Variants in CD177 observed in about 807,000 individuals in gnomAD.
CD177 encodes the protein CD177 antigen.
A neutral mutation model predicts 38.1 loss-of-function variants in CD177; 41 were observed. That is an observed-to-expected ratio of 1.07 (90% CI 0.84 to 1.39). The LOEUF (loss-of-function observed/expected upper bound fraction) is 1.39, where lower values mean the gene tolerates loss of function less well. Ranked by LOEUF, CD177 falls within the 40% of genes most tolerant of loss-of-function variation. The pLI, the probability that CD177 is intolerant of heterozygous loss-of-function variation, is 0.00. For synonymous variants in CD177, 236 were observed against 216.7 expected, an observed-to-expected ratio of 1.09 and a Z score of -0.78; for missense variants, 619 against 523.8, an observed-to-expected ratio of 1.18 and a Z score of -1.77.
At chr19:43,355,618 G>T in intron 3 of CD177, 43 bp from the exon 4 acceptor site, 2 of 1,610,802 alleles carry the variant, frequency 1.2e-6, no homozygotes, top group Non-Finnish European at 1.7e-6. Context: ...ATCAAATCCA[G>T]TGCCCTCTCA....
At chr19:43,366,043 C>T (rs994179938), downstream of CD177, among the ~76,000 whole-genome samples, 6 of 152,158 alleles carry the variant, frequency 3.9e-5, no homozygotes, top group South Asian at 4.1e-4. Flanking sequence ...GGAGGAGGCG[C>T]GGAATTTCTC....
chr19:43,360,187 C>G (rs1373973661), intron 5 of CD177, 78 bp from the exon 6 acceptor site: 1 of 1,523,434 alleles, frequency 6.6e-7, no homozygotes. Context: ...AGTGTGATCA[C>G]CTTCCCTAGC....
At chr19:43,354,495 C>G (rs1325212370) in intron 3 of CD177, 103 bp downstream of exon 3, 8 of 1,231,596 alleles carry the variant, frequency 6.5e-6, no homozygotes, top group Admixed American at 1.9e-5. Context: ...GCTCGCTATC[C>G]CGACCCTCGC....
chr19:43,360,159 C>T, intron 5 of CD177, 106 bp from the exon 6 acceptor site: 12 of 1,354,772 alleles, frequency 8.9e-6, no homozygotes, highest in Non-Finnish European at 1.1e-5. Context: ...GGCCAGGTCA[C>T]CTGGAGTGTG....
In CD177 at chr19:43,362,194, T is replaced by A; in HGVS notation, c.1188T>A (p.Arg396=). 6.2e-7 allele frequency: 1 copy of A among 1,612,548 alleles called. No individual in the cohort carries two copies. The highest frequency in any genetic ancestry group is 8.5e-7 in the Non-Finnish European group (1 of 1,179,340). The change falls in exon 9 of 9, where the codon CGT becomes CGA. Residue 396 remains arginine (R), a synonymous_variant. Coordinates refer to ENST00000618265, the MANE Select transcript of CD177 (RefSeq NM_020406.4). ...QIGIFSAREK[R]DVQPPASQHE... ...GGATCTTCTCTGCGCGTGAGAAGCG[T>A]GATGTGCAGCCTCCTGCCTCTCAGC...
chr19:43,354,482 C>A (rs1331592626), intron 3 of CD177, 90 bp downstream of exon 3: 3 of 1,385,638 alleles, frequency 2.2e-6, no homozygotes, highest in Admixed American at 3.5e-5. Context: ...CCCTCCCACC[C>A]TCGCTCGCTA....
downstream of CD177, among the ~76,000 whole-genome samples, chr19:43,363,809 C>T (rs1191247957): frequency 6.6e-6 from 1 of 152,158 alleles, no homozygotes; most frequent in Admixed American, 6.5e-5. Flanking sequence ...AAGTCCAGGA[C>T]GGGCTCGGTG....
rs774067021 is a variant in CD177 at position 43,353,746 on chromosome 19, G to C, written c.32G>C (p.Gly11Ala). 20 of 1,613,790 alleles carry C rather than the reference G, an allele frequency of 1.2e-5. No individual in the cohort carries two copies. The East Asian group carries it at 4.5e-4, about 36-fold the overall frequency. Residue 11 changes from glycine (G) to alanine (A), a missense_variant, in exon 1 of 9, where the codon GGG becomes GCG. Physicochemically the swap from Gly to Ala is moderately conservative, Grantham distance 60. Coordinates refer to ENST00000618265, the MANE Select transcript of CD177 (RefSeq NM_020406.4). The part of the protein sequence containing the change: MSAVLLLALL[G>A]FILPLPGVQA... The stretch of plus-strand genomic sequence containing the variant: ...GCGGTATTACTGCTGGCCCTCCTGG[G>C]GTTCATCCTCCCACTGCCAGGTGAG...
intron 3 of CD177, 86 bp from the exon 4 acceptor site, chr19:43,355,575 G>A (rs778253716): frequency 3.2e-6 from 5 of 1,562,382 alleles, no homozygotes; most frequent in East Asian, 2.3e-5. Flanking sequence ...GACTCTTGAG[G>A]CCAGCAAAAG....
Position 43,361,520 on chromosome 19 carries a change from G to T in CD177, c.1022G>T (p.Arg341Leu). 1.9e-6 allele frequency: 3 copies of T among 1,592,074 alleles called. No homozygotes were observed. The highest frequency in any genetic ancestry group is 2.6e-6 in the Non-Finnish European group (3 of 1,165,056). ...PLGTCSSGSPRMTCPRGATHC... is the reference protein window; with the variant it reads ...PLGTCSSGSPLMTCPRGATHC... ...GGAACCTGTTCAAGTGGCTCCCCCC[G>T]AATGACCTGCCCCAGGGGCGCCACT... Residue 341 changes from arginine to leucine, a missense_variant, in exon 8 of 9, where the codon CGA (arginine) becomes CTA (leucine). Arg to Leu is a moderately radical substitution (Grantham distance 102). Transcript: ENST00000618265.
intron 2 of CD177, 52 bp from the exon 3 acceptor site, chr19:43,354,155 G>C (rs913228649): frequency 6.3e-7 from 1 of 1,584,624 alleles, no homozygotes; most frequent in African/African-American, 1.4e-5. Context: ...TCTCCCTCCA[G>C]GACCCTGGAG....
chr19:43,353,992 C>A lies in CD177; in HGVS notation c.192C>A (p.Ser64Arg), dbSNP rs1401219290. 2 of 1,613,286 alleles carry A rather than the reference C, an allele frequency of 1.2e-6. No individual in the cohort carries two copies. Among genetic ancestry groups the A allele is most frequent in the African/African-American group, 2.7e-5 (2 of 74,870 alleles). Reference sequence around the variant, plus strand: ...AGGACACGTTGATGCTCATTGAGAGCGGTGAGAAGGCCCTGGCGTGCAGAG... The same window carrying A: ...AGGACACGTTGATGCTCATTGAGAGAGGTGAGAAGGCCCTGGCGTGCAGAG... ...GCQDTLMLIESGPQVSLVLSK... is the reference protein window; with the variant it reads ...GCQDTLMLIERGPQVSLVLSK... The change falls in exon 2 of 9, where the codon AGC becomes AGA. Residue 64 changes from serine to arginine, a missense_variant and splice_region_variant. Ser to Arg is a moderately radical substitution (Grantham distance 110, BLOSUM62 -1). Coordinates refer to ENST00000618265, the MANE Select transcript of CD177 (RefSeq NM_020406.4).
rs771307102 is a variant in CD177 at position 43,362,193 on chromosome 19, G to C, written c.1187G>C (p.Arg396Pro). 1.9e-6 allele frequency: 3 copies of C among 1,613,416 alleles called. No homozygotes were observed. Among genetic ancestry groups the C allele is most frequent in the Non-Finnish European group, 2.5e-6 (3 of 1,179,534 alleles). ...GGGATCTTCTCTGCGCGTGAGAAGC[G>C]TGATGTGCAGCCTCCTGCCTCTCAG... ...QIGIFSAREK[R>P]DVQPPASQHE... The change falls in exon 9 of 9, where the codon CGT becomes CCT. Residue 396 changes from arginine to proline, a missense_variant. Transcript: ENST00000618265.
In CD177 at chr19:43,354,361, C is replaced by G; in HGVS notation, c.348C>G (p.Ser116=). ...ACTTCTGCAACAACCTCGTTAACTCCCTCCCGCTTTGGGCCCCACAGCCCC... is the reference window on the plus strand; with the variant it reads ...ACTTCTGCAACAACCTCGTTAACTCGCTCCCGCTTTGGGCCCCACAGCCCC... The part of the protein sequence containing the change: ...QEDFCNNLVN[S]LPLWAPQPPA... The change falls in exon 3 of 9, where the codon TCC becomes TCG. Residue 116 remains serine, a synonymous_variant. Coordinates refer to ENST00000618265, the MANE Select transcript of CD177 (RefSeq NM_020406.4). 1 of 1,613,936 alleles carries G rather than the reference C, an allele frequency of 6.2e-7. No individual in the cohort carries two copies. Among genetic ancestry groups the G allele is most frequent in the Non-Finnish European group, 8.5e-7 (1 of 1,179,878 alleles).
In CD177 at chr19:43,362,529, G is replaced by A. The variant is rs116027388; in HGVS notation, c.*209G>A. Reference sequence around the variant, plus strand: ...GGACTTGCCCTATGGGAGAGGGGACGCTGGAGGAGTGGCTGCATGTATCTG... The same window carrying A: ...GGACTTGCCCTATGGGAGAGGGGACACTGGAGGAGTGGCTGCATGTATCTG... On this transcript the variant is annotated 3_prime_UTR_variant, in exon 9 of 9. Coordinates refer to ENST00000618265, the MANE Select transcript of CD177 (RefSeq NM_020406.4). 3.7e-3 allele frequency: 1,718 copies of A among 467,908 alleles called. 24 individuals are homozygous for A. Among genetic ancestry groups the A allele is most frequent in the African/African-American group, 0.03 (1,538 of 51,028 alleles). 29.0% of individuals were successfully genotyped at this position (467,908 alleles called of 1,614,324 possible). A position where few individuals can be genotyped will look rare whatever the true frequency, so the allele number is the denominator to read the frequency against.
At chr19:43,355,104 C>CTTTTTTTTTTTT in intron 3 of CD177, among the ~76,000 whole-genome samples, 4 of 26,828 alleles carry the variant, frequency 1.5e-4, no homozygotes, top group East Asian at 1.9e-3. Flanking sequence ...CTTTTCTTTT[C>CTTTTTTTTTTTT]TTTTTTTTTT....
chr19:43,354,306 TCTC>T lies in CD177; in HGVS notation c.296_298del (p.Ser99del). ...CGGATGGGCCCCGGCCTCTCCCTGA[TCTC>T]CTACACCTTCGTGTGCCGCCAGGAG... On this transcript the variant is annotated inframe_deletion, in exon 3 of 9. Coordinates refer to ENST00000618265, the MANE Select transcript of CD177 (RefSeq NM_020406.4). 3 of 1,613,854 alleles carry T rather than the reference TCTC, an allele frequency of 1.9e-6. No homozygotes were observed. Among genetic ancestry groups the T allele is most frequent in the Non-Finnish European group, 1.7e-6 (2 of 1,179,862 alleles).
downstream of CD177, among the ~76,000 whole-genome samples, chr19:43,365,696 G>A (rs1267826082): frequency 2.0e-5 from 3 of 147,362 alleles, no homozygotes; most frequent in Non-Finnish European, 3.0e-5. Context: ...GGCAGCCGCC[G>A]TCCACTTCTG....
chr19:43,354,648 C>T (rs958707689), intron 3 of CD177: 3 of 592,412 alleles, frequency 5.1e-6, no homozygotes, highest in African/African-American at 3.7e-5. Flanking sequence ...GCAAACAGGA[C>T]GGATTTCTGA....
Sources: allele counts gnomAD v4.1 joint callset (sites outside exome capture counted in the v4.1 genomes callset), GRCh38; gene constraint gnomAD v4.1.1; transcripts MANE v1.5; gene names NCBI Gene and HGNC (gene_info 2026-07-23, HGNC 2026-07-21).